AKR1C2: variants seen among roughly 807,000 people sequenced by gnomAD.
AKR1C2 encodes the protein aldo-keto reductase family 1 member C2.
A neutral mutation model predicts 39.8 loss-of-function variants in AKR1C2; 27 were observed. The observed-to-expected ratio is 0.68, with a 90% CI of 0.50 to 0.93. The LOEUF is 0.93. Ranked by LOEUF, AKR1C2 falls within the 40% of genes least tolerant of loss-of-function variation. The pLI, the probability that AKR1C2 is intolerant of heterozygous loss-of-function variation, is 0.00. For synonymous variants in AKR1C2, 114 were observed against 137.9 expected, an observed-to-expected ratio of 0.83 and a Z score of 1.22; for missense variants, 263 against 365.1, an observed-to-expected ratio of 0.72 and a Z score of 2.28.
At chr10:5,004,005 C>T (rs1554774156), upstream of AKR1C2, 3 of 552,046 alleles carry the variant, frequency 5.4e-6, no homozygotes, top group African/African-American at 3.8e-5. Context: ...CCAGTTCAAC[C>T]GTTTCTTACC....
At chr10:5,005,891 A>G (rs1443976585), upstream of AKR1C2, 2 of 152,210 alleles carry the variant, frequency 1.3e-5, no homozygotes, top group South Asian at 2.1e-4. Context: ...GAAAATCACA[A>G]TATAGTATTA....
At chr10:4,998,594 A>G in intron 5 of AKR1C2, 31 bp downstream of exon 5, 2 of 1,612,810 alleles carry the variant, frequency 1.2e-6, no homozygotes, top group Non-Finnish European at 1.7e-6. Context: ...GGCATGAAGA[A>G]CAGAAAGGAG....
At chr10:4,999,554 G>A (rs1837186414) in intron 3 of AKR1C2, 1 of 360,094 alleles carries the variant, frequency 2.8e-6, no homozygotes, top group Admixed American at 4.5e-5. Flanking sequence ...ACTTTCTTCT[G>A]CTCCTATAAT....
intron 8 of AKR1C2, 85 bp from the exon 9 acceptor site, chr10:4,990,123 G>A (rs556391829): frequency 1.2e-5 from 19 of 1,536,100 alleles, no homozygotes; most frequent in East Asian, 2.3e-5. Context: ...GGAAGCTGCC[G>A]CTAGTGTAGA....
intron 7 of AKR1C2, among the ~76,000 whole-genome samples, chr10:4,994,513 C>G (rs1836962455): frequency 6.6e-6 from 1 of 152,130 alleles, no homozygotes. Flanking sequence ...GTTGGTGTCT[C>G]TGAGCCTAGA....
At chr10:5,014,898 C>T (rs1327406134) in intron 1 of AKR1C2, 16 of 152,236 alleles carry the variant, frequency 1.1e-4, no homozygotes, top group African/African-American at 3.9e-4. Flanking sequence ...TATTGGTTCT[C>T]TTACCTTTGG....
intron 1 of AKR1C2, among the ~76,000 whole-genome samples, chr10:5,016,417 TA>T (rs2131734509): frequency 6.6e-6 from 1 of 152,228 alleles, no homozygotes; most frequent in South Asian, 2.1e-4. Flanking sequence ...ACAGGCCCCA[TA>T]AAAGTCCAAA....
intron 1 of AKR1C2, among the ~76,000 whole-genome samples, chr10:5,016,751 C>T (rs2131735094): frequency 6.6e-6 from 1 of 152,340 alleles, no homozygotes; most frequent in East Asian, 1.9e-4. Context: ...CATTCCCCCT[C>T]CACACTGCCC....
chr10:5,007,802 T>G (rs1176262514), upstream of AKR1C2, among the ~76,000 whole-genome samples: 1 of 151,916 alleles, frequency 6.6e-6, no homozygotes, highest in African/African-American at 2.4e-5. Flanking sequence ...ACAAGTTATT[T>G]CCTTCCAAAT....
chr10:5,013,760 C>T (rs1265557989), intron 1 of AKR1C2: 1 of 152,156 alleles, frequency 6.6e-6, no homozygotes, highest in African/African-American at 2.4e-5. Context: ...AGTTTATTAG[C>T]ATTAAGTCCA....
upstream of AKR1C2, among the ~76,000 whole-genome samples, chr10:5,007,956 G>A (rs185076264): frequency 7.3e-5 from 11 of 150,604 alleles, no homozygotes; most frequent in East Asian, 2.0e-3. Flanking sequence ...CAACTTCCTT[G>A]ACTCTATATT....
At position 5,014,361 on chromosome 10, in the gene AKR1C2, C is replaced by A. The variant is rs7086573; in HGVS notation, c.-88+3539G>T. On this transcript the variant is annotated intron_variant, in intron 1 of 6. Coordinates refer to the AKR1C2 transcript ENST00000604507. ...GCTCGTTTTTAGCACAAAGGTCTCA[C>A]TGTTGTGTTATCCTTTCCAAGTGAG... is the stretch of plus-strand genomic sequence containing the variant. 6.7e-3 allele frequency among the ~76,000 whole-genome samples: 1,023 copies of A among 152,294 alleles called. 13 individuals are homozygous for A. The highest frequency in any genetic ancestry group is 0.023 in the African/African-American group (972 of 41,544).
intron 1 of AKR1C2, among the ~76,000 whole-genome samples, chr10:5,012,673 G>T (rs11252884): frequency 6.6e-6 from 1 of 152,010 alleles, no homozygotes; most frequent in African/African-American, 2.4e-5. Context: ...CCTGTTGAAC[G>T]AGATTTTGGA....
rs113465089 is a variant in AKR1C2, at chr10:4,999,385, C to T, written c.370-108G>A. 2.8e-3 allele frequency: 4,554 copies of T among 1,607,836 alleles called. 112 individuals carry two copies. In the African/African-American group the frequency reaches 0.054, roughly 19 times the overall value. On this transcript the variant is annotated intron_variant, in intron 3 of 8. Transcript: ENST00000380753. ...CTAATCCTCCATGAGGTAGGTGATG[C>T]AGCGCTCCAGAGAGTGGTATGTACA...
chr10:4,992,823 G>A (rs9733478), intron 7 of AKR1C2, among the ~76,000 whole-genome samples: 43,413 of 151,704 alleles, frequency 0.29, 6,883 homozygotes, highest in East Asian at 0.63. Flanking sequence ...GGCAGCATGC[G>A]CCAGCAGTCC....
rs543922919 is a variant in AKR1C2, at chr10:5,001,403, C to G, written c.252+111G>C. On this transcript the variant is annotated intron_variant, in intron 2 of 8. Coordinates refer to ENST00000380753, the MANE Select transcript of AKR1C2 (RefSeq NM_001393392.1). ...AATACATGAGTAAGTGTGAATAAAT[C>G]GAAATAAATAAGCACAATTCACCCT... 16 of 1,512,384 alleles carry G rather than the reference C, an allele frequency of 1.1e-5. No individual in the cohort carries two copies. The Admixed American group carries it at 3.4e-4, about 32-fold the overall frequency. 93.7% of individuals were successfully genotyped at this position (1,512,384 alleles called of 1,614,324 possible). A position where few individuals can be genotyped will look rare whatever the true frequency, so the allele number is the denominator to read the frequency against.
Position 5,014,339 on chromosome 10 carries a change from C to T in AKR1C2, c.-88+3561G>A, listed in dbSNP as rs4881375. ...TGTCCTCTGCTATGGTTACTGGGCT[C>T]GTTTTTAGCACAAAGGTCTCACTGT... On this transcript the variant is annotated intron_variant, in intron 1 of 6. Coordinates refer to the AKR1C2 transcript ENST00000604507. Among the ~76,000 whole-genome samples the T allele has an allele frequency of 4.5e-3, 683 of 152,254 alleles. 18 individuals carry two copies. The highest frequency in any genetic ancestry group is 0.036 in the Admixed American group (555 of 15,288).
chr10:5,001,684 G>A lies in AKR1C2; in HGVS notation c.85-3C>T, dbSNP rs2854481. ...TCTAGAGCTTTACTTTTAGGAACCT[G>A]GGGGAGCAACCAAACGTAATATTTT... On this transcript the variant is annotated splice_region_variant and splice_polypyrimidine_tract_variant and intron_variant, in intron 1 of 8. Transcript: ENST00000380753. 4 of 1,613,568 alleles carry A rather than the reference G, an allele frequency of 2.5e-6. No homozygotes were observed. In the South Asian group the frequency reaches 3.3e-5, roughly 13 times the overall value.
intron 1 of AKR1C2, 52 bp from the exon 2 acceptor site, chr10:5,001,733 G>T (rs1837281528): frequency 6.2e-7 from 1 of 1,608,260 alleles, no homozygotes; most frequent in Admixed American, 1.7e-5. Context: ...CTGAGAGTTA[G>T]TTCGGGCACA....
Sources: gnomAD v4.1 joint callset for allele counts (sites outside exome capture counted in the v4.1 genomes callset) on GRCh38, gnomAD v4.1.1 for gene constraint, MANE v1.5 for transcripts, NCBI Gene and HGNC (gene_info 2026-07-23, HGNC 2026-07-21) for gene names.